Variants in NALF1 observed in about 807,000 individuals in gnomAD.
NALF1 encodes the protein NALCN channel auxiliary factor 1.
NALF1 carries 3 observed loss-of-function variants against 48.4 expected under a neutral mutation model. The observed-to-expected ratio is 0.06, with a 90% CI of 0.03 to 0.16. The LOEUF (loss-of-function observed/expected upper bound fraction) is 0.16, where lower values mean the gene tolerates loss of function less well. Ranked by LOEUF, NALF1 falls within the 10% of genes least tolerant of loss-of-function variation. The probability of loss-of-function intolerance (pLI) is 1.00; values close to 1 mark genes in which losing one functional copy is unlikely to be tolerated. For missense variants in NALF1, 526 were observed against 571.5 expected, an observed-to-expected ratio of 0.92 and a Z score of 0.81; for synonymous variants, 262 against 245.7, an observed-to-expected ratio of 1.07 and a Z score of -0.62.
At chr13:107,461,143 A>G (rs1884912178) in intron 1 of NALF1, among the ~76,000 whole-genome samples, 1 of 152,174 alleles carries the variant, frequency 6.6e-6, no homozygotes, top group Non-Finnish European at 1.5e-5. Flanking sequence ...ATAAAGACCC[A>G]AGCTATGGAT....
At chr13:107,438,220 C>A (rs1368061552) in intron 1 of NALF1, among the ~76,000 whole-genome samples, 1 of 152,114 alleles carries the variant, frequency 6.6e-6, no homozygotes, top group Non-Finnish European at 1.5e-5. Flanking sequence ...AAAGAAAATT[C>A]ATCTTTGAGA....
At chr13:107,616,193 T>A (rs78593160) in intron 1 of NALF1, among the ~76,000 whole-genome samples, 3 of 152,170 alleles carry the variant, frequency 2.0e-5, no homozygotes, top group African/African-American at 4.8e-5. Context: ...TAAAAGTTTA[T>A]CATCATAGAA....
intron 1 of NALF1, among the ~76,000 whole-genome samples, chr13:107,358,926 C>T (rs1049958449): frequency 1.3e-5 from 2 of 152,088 alleles, no homozygotes; most frequent in Non-Finnish European, 2.9e-5. Flanking sequence ...TCTGAAAATG[C>T]CACTGTTTTT....
rs201307018 is a variant in NALF1 at position 107,385,552 on chromosome 13, CAAAAAAAAAAAAA to C, written c.916-174810_916-174798del. On this transcript the variant is annotated intron_variant, in intron 1 of 2. Transcript: ENST00000375915. ...TGGGTGCCAGAGCGAGATTCCATCT[CAAAAAAAAAAAAA>C]AAAAAAAAAAAACAAAGAAAAGAAA... Among the ~76,000 whole-genome samples the C allele has an allele frequency of 1.6e-3, 192 of 118,218 alleles. 1 individual carries two copies. The highest frequency in any genetic ancestry group is 4.3e-3 in the Middle Eastern group (1 of 234). The allele number at this position is 118,218 out of a possible 152,430, so 77.6% of individuals were successfully genotyped here. A position where few individuals can be genotyped will look rare whatever the true frequency, so the allele number is the denominator to read the frequency against.
intron 1 of NALF1, among the ~76,000 whole-genome samples, chr13:107,322,013 A>C (rs1882265169): frequency 6.6e-6 from 1 of 152,114 alleles, no homozygotes; most frequent in Non-Finnish European, 1.5e-5. Context: ...CTATTAGCTT[A>C]TCATGGATAC....
intron 1 of NALF1, among the ~76,000 whole-genome samples, chr13:107,525,136 ACAG>A (rs1215140338): frequency 6.6e-6 from 1 of 152,094 alleles, no homozygotes. Flanking sequence ...AAATTAACAT[ACAG>A]TAAATTTGAC....
At position 107,363,143 on chromosome 13, in the gene NALF1, C is replaced by T. The variant is rs142475323; in HGVS notation, c.916-152388G>A. On this transcript the variant is annotated intron_variant, in intron 1 of 2. Transcript: ENST00000375915. ...TTTCATTTGTTCATTTCTATTGAAA[C>T]TATCAGATATCCCTCTAAAAATCTT... 1.8e-3 allele frequency among the ~76,000 whole-genome samples: 267 copies of T among 152,322 alleles called. 2 individuals are homozygous for T. Among genetic ancestry groups the T allele is most frequent in the African/African-American group, 6.2e-3 (256 of 41,564 alleles).
chr13:107,736,705 T>C (rs912902581), intron 1 of NALF1, among the ~76,000 whole-genome samples: 6 of 152,194 alleles, frequency 3.9e-5, no homozygotes, highest in Non-Finnish European at 8.8e-5. Flanking sequence ...TCATTTAAGC[T>C]AGTGCTTTTA....
At position 107,596,751 on chromosome 13, in the gene NALF1, C is replaced by G. The variant is rs557612141; in HGVS notation, c.915+268931G>C. Among the ~76,000 whole-genome samples, 19 of 152,142 alleles carry G rather than the reference C, an allele frequency of 1.2e-4. No homozygotes were observed. The East Asian group carries it at 3.7e-3, about 29-fold the overall frequency. Reference sequence around the variant, plus strand: ...TGATGGGTTGATGGGTGCAGCACACCATATGGAACATGTATACATATATAA... The same window carrying G: ...TGATGGGTTGATGGGTGCAGCACACGATATGGAACATGTATACATATATAA... On this transcript the variant is annotated intron_variant, in intron 1 of 2. Coordinates refer to ENST00000375915, the MANE Select transcript of NALF1 (RefSeq NM_001080396.3).
rs926661901 is a variant in NALF1 at position 107,599,820 on chromosome 13, T to C, written c.915+265862A>G. 7.9e-5 allele frequency among the ~76,000 whole-genome samples: 12 copies of C among 152,270 alleles called. No homozygotes were observed. In the South Asian group the frequency reaches 1.7e-3, roughly 21 times the overall value. ...CTTTATCTAAACAAGTTGTATAGAG[T>C]ATGTTAGGGTAATCATACCTGCATT... On this transcript the variant is annotated intron_variant, in intron 1 of 2. Coordinates refer to ENST00000375915, the MANE Select transcript of NALF1 (RefSeq NM_001080396.3).
At chr13:107,472,286 G>A (rs749498766) in intron 1 of NALF1, among the ~76,000 whole-genome samples, 15 of 152,174 alleles carry the variant, frequency 9.9e-5, no homozygotes, top group Non-Finnish European at 2.2e-4. Flanking sequence ...CTGAGATCGT[G>A]CCATTGCACT....
intron 1 of NALF1, among the ~76,000 whole-genome samples, chr13:107,843,198 T>C (rs952434237): frequency 6.6e-6 from 1 of 152,174 alleles, no homozygotes; most frequent in East Asian, 1.9e-4. Flanking sequence ...ATTCTAAGCG[T>C]TTTATTTATC....
chr13:107,628,580 T>C (rs1051469046), intron 1 of NALF1, among the ~76,000 whole-genome samples: 6 of 152,194 alleles, frequency 3.9e-5, no homozygotes, highest in African/African-American at 1.4e-4. Context: ...AGCAATACTT[T>C]ACTGTTTTTA....
At chr13:107,457,248 A>G (rs898718289) in intron 1 of NALF1, among the ~76,000 whole-genome samples, 1 of 152,164 alleles carries the variant, frequency 6.6e-6, no homozygotes, top group Middle Eastern at 3.2e-3. Context: ...GGAGACAATG[A>G]CACATTAAAT....
Position 107,164,437 on chromosome 13 carries a change from A to T in NALF1, c.*6060T>A, listed in dbSNP as rs7324248. ...TCATAATAAATGTTCCAATTTAAAC[A>T]TTTTCATGTTTAAAATTACTATAGT... is the stretch of plus-strand genomic sequence containing the variant. On this transcript the variant is annotated 3_prime_UTR_variant, in exon 3 of 3. Transcript: ENST00000375915. The T allele has an allele frequency of 0.017, 2,631 of 152,140 alleles. 77 individuals carry two copies. The highest frequency in any genetic ancestry group is 0.06 in the African/African-American group (2,499 of 41,488). The allele number at this position is 152,140 out of a possible 1,614,324, so 9.4% of individuals were successfully genotyped here.
At chr13:107,686,098 C>T (rs1164327730) in intron 1 of NALF1, among the ~76,000 whole-genome samples, 1 of 152,164 alleles carries the variant, frequency 6.6e-6, no homozygotes, top group African/African-American at 2.4e-5. Context: ...GGGGGCCAGC[C>T]TCTGAAATGC....
intron 1 of NALF1, among the ~76,000 whole-genome samples, chr13:107,851,561 T>C (rs1242450369): frequency 1.3e-5 from 2 of 152,140 alleles, no homozygotes; most frequent in African/African-American, 2.4e-5. Context: ...TATTTTGTAA[T>C]TATCTGACTT....
intron 1 of NALF1, among the ~76,000 whole-genome samples, chr13:107,766,867 C>T (rs1055887236): frequency 6.6e-6 from 1 of 152,118 alleles, no homozygotes; most frequent in African/African-American, 2.4e-5. Flanking sequence ...AAGAAAGCTA[C>T]AGAAGTAAAA....
intron 1 of NALF1, among the ~76,000 whole-genome samples, chr13:107,768,749 C>A (rs1877489346): frequency 2.6e-5 from 4 of 152,136 alleles, no homozygotes; most frequent in Non-Finnish European, 4.4e-5. Context: ...GAAATGAACA[C>A]AGGTTTTACA....
Sources: allele counts gnomAD v4.1 joint callset (sites outside exome capture counted in the v4.1 genomes callset), GRCh38; gene constraint gnomAD v4.1.1; transcripts MANE v1.5; gene names NCBI Gene and HGNC (gene_info 2026-07-23, HGNC 2026-07-21).